XKR9: variants seen among roughly 807,000 people sequenced by gnomAD.
XKR9 encodes XK related 9.
A neutral mutation model predicts 32.0 loss-of-function variants in XKR9; 32 were observed. That is an observed-to-expected ratio of 1.00 (90% CI 0.76 to 1.34). The LOEUF (loss-of-function observed/expected upper bound fraction) is 1.34. XKR9 is among the 40% of genes most tolerant of loss of function. The pLI, the probability that XKR9 is intolerant of heterozygous loss-of-function variation, is 0.00. For missense variants in XKR9, 546 were observed against 429.7 expected, an observed-to-expected ratio of 1.27 and a Z score of -2.39; for synonymous variants, 168 against 143.4, an observed-to-expected ratio of 1.17 and a Z score of -1.22.
At chr8:70,767,191 T>C (rs1046820764) in intron 2 of XKR9, among the ~76,000 whole-genome samples, 1 of 152,252 alleles carries the variant, frequency 6.6e-6, no homozygotes, top group African/African-American at 2.4e-5. Flanking sequence ...CTCCTCTTTG[T>C]ACCTCTGGTA....
chr8:70,842,445 C>T, the XKR9 span, among the ~76,000 whole-genome samples: 53 of 152,136 alleles, frequency 3.5e-4, no homozygotes, highest in East Asian at 3.9e-4. Context: ...ATCTGGGTGC[C>T]GGATGTTATT....
intron 2 of XKR9, among the ~76,000 whole-genome samples, chr8:70,752,474 C>A (rs546599179): frequency 7.4e-4 from 112 of 152,166 alleles, no homozygotes; most frequent in African/African-American, 2.5e-3. Context: ...AGACCAAACA[C>A]GAGAGGCAGC....
chr8:70,750,874 C>T (rs1184910195), intron 2 of XKR9, among the ~76,000 whole-genome samples: 1 of 152,164 alleles, frequency 6.6e-6, no homozygotes, highest in African/African-American at 2.4e-5. Context: ...AAATGTTGTA[C>T]TGGATATTTC....
At chr8:70,783,242 T>C (rs964383068) in intron 2 of XKR9, among the ~76,000 whole-genome samples, 3 of 150,118 alleles carry the variant, frequency 2.0e-5, no homozygotes, top group African/African-American at 7.4e-5. Context: ...TTTTTTTTTC[T>C]TTTTAAGACG....
At chr8:71,052,034 C>T in the XKR9 span, among the ~76,000 whole-genome samples, 9 of 152,224 alleles carry the variant, frequency 5.9e-5, no homozygotes, top group Non-Finnish European at 1.2e-4. Context: ...AAATTTGTGT[C>T]GGCTAAATAA....
the XKR9 span, among the ~76,000 whole-genome samples, chr8:70,976,537 T>G: frequency 6.6e-6 from 1 of 152,192 alleles, no homozygotes; most frequent in Non-Finnish European, 1.5e-5. Flanking sequence ...TTGCATATGT[T>G]GAAACAGACT....
chr8:70,683,606 G>A, intron 3 of XKR9: 1 of 440,822 alleles, frequency 2.3e-6, no homozygotes, highest in Non-Finnish European at 4.6e-6. Flanking sequence ...TCCTGCATCA[G>A]CTTCCTGAGT....
At chr8:71,048,472 A>G in the XKR9 span, among the ~76,000 whole-genome samples, 1 of 152,114 alleles carries the variant, frequency 6.6e-6, no homozygotes, top group Non-Finnish European at 1.5e-5. Flanking sequence ...TATTAGACAT[A>G]TTTGCTTATT....
the XKR9 span, among the ~76,000 whole-genome samples, chr8:71,031,701 C>CA: frequency 3.9e-5 from 6 of 152,142 alleles, no homozygotes; most frequent in Admixed American, 1.3e-4. Context: ...ATTGCTTTCA[C>CA]AATTGTTTTT....
the XKR9 span, among the ~76,000 whole-genome samples, chr8:70,888,093 C>CT: frequency 1.3e-5 from 2 of 151,824 alleles, no homozygotes; most frequent in South Asian, 4.2e-4. Context: ...TCTTCTAGCT[C>CT]TTTTTTAATA....
At chr8:70,794,763 G>C (rs1807807121), downstream of XKR9, among the ~76,000 whole-genome samples, 1 of 150,558 alleles carries the variant, frequency 6.6e-6, no homozygotes, top group Non-Finnish European at 1.5e-5. Flanking sequence ...TGATTGGCTA[G>C]TATTTTGTTA....
At chr8:70,759,266 G>A (rs1194635400) in intron 2 of XKR9, among the ~76,000 whole-genome samples, 1 of 152,148 alleles carries the variant, frequency 6.6e-6, no homozygotes, top group Non-Finnish European at 1.5e-5. Context: ...CATGCAATAT[G>A]CAACTGGATG....
At chr8:70,799,154 A>G in the XKR9 span, among the ~76,000 whole-genome samples, 1 of 152,120 alleles carries the variant, frequency 6.6e-6, no homozygotes, top group African/African-American at 2.4e-5. Context: ...TGGCCATTTT[A>G]ACAATATTGA....
the XKR9 span, among the ~76,000 whole-genome samples, chr8:71,044,565 G>A: frequency 6.6e-6 from 1 of 152,198 alleles, no homozygotes; most frequent in East Asian, 1.9e-4. Flanking sequence ...TTCTCAGTTT[G>A]TGCATGCAGT....
the XKR9 span, among the ~76,000 whole-genome samples, chr8:70,885,970 C>T: frequency 6.6e-6 from 1 of 152,040 alleles, no homozygotes; most frequent in Non-Finnish European, 1.5e-5. Context: ...ATACACGTGC[C>T]ATGGTGGTTT....
At chr8:71,006,747 T>A in the XKR9 span, among the ~76,000 whole-genome samples, 3 of 152,078 alleles carry the variant, frequency 2.0e-5, no homozygotes, top group Non-Finnish European at 4.4e-5. Context: ...AAATGTATGA[T>A]AAAAAAACTG....
intron 4 of XKR9, among the ~76,000 whole-genome samples, chr8:70,717,391 T>C (rs1050197585): frequency 7.2e-5 from 11 of 152,210 alleles, no homozygotes; most frequent in Non-Finnish European, 7.4e-5. Flanking sequence ...CCCAGGCATT[T>C]CCATACATCC....
intron 2 of XKR9, among the ~76,000 whole-genome samples, chr8:70,755,532 G>A (rs1224253138): frequency 1.3e-5 from 2 of 152,032 alleles, no homozygotes; most frequent in Non-Finnish European, 2.9e-5. Flanking sequence ...ATGATAGACT[G>A]GATTAAGTAA....
At chr8:70,693,490 G>T (rs1805150525) in intron 3 of XKR9, among the ~76,000 whole-genome samples, 1 of 152,178 alleles carries the variant, frequency 6.6e-6, no homozygotes. Context: ...TTGAGTACTG[G>T]CTGTAGTTCA....
Sources: gnomAD v4.1 joint callset for allele counts (sites outside exome capture counted in the v4.1 genomes callset) on GRCh38, gnomAD v4.1.1 for gene constraint, MANE v1.5 for transcripts, NCBI Gene and HGNC (gene_info 2026-07-23, HGNC 2026-07-21) for gene names.